PSG5: variants seen among roughly 807,000 people sequenced by gnomAD.
PSG5 encodes pregnancy-specific beta-1-glycoprotein 5.
Under a neutral mutation model 37.7 loss-of-function variants are expected in PSG5, and 53 were observed. The observed-to-expected ratio is 1.41, with a 90% CI of 1.13 to 1.77. PSG5 has a LOEUF of 1.77. Ranked by LOEUF, PSG5 falls within the 40% of genes most tolerant of loss-of-function variation. The pLI is 0.00. For synonymous variants in PSG5, 221 were observed against 155.4 expected (o/e 1.42, Z -3.14); for missense variants, 547 against 405.2 (o/e 1.35, Z -3.00).
At chr19:43,186,022 G>T (rs762504921) in intron 1 of PSG5, among the ~76,000 whole-genome samples, 1 of 150,648 alleles carries the variant, frequency 6.6e-6, no homozygotes, top group Admixed American at 6.6e-5. Context: ...TGTCACCCAG[G>T]CTGGCGTGCA....
intron 2 of PSG5, among the ~76,000 whole-genome samples, chr19:43,179,533 T>C (rs556031146): frequency 2.0e-5 from 3 of 151,884 alleles, no homozygotes; most frequent in Admixed American, 1.3e-4. Flanking sequence ...AGTTTCAGTC[T>C]TACTTTGTCC....
intron 2 of PSG5, among the ~76,000 whole-genome samples, chr19:43,184,474 T>G (rs1164387319): frequency 6.6e-6 from 1 of 151,612 alleles, no homozygotes; most frequent in East Asian, 1.9e-4. Context: ...CTCCAGGGTC[T>G]TTCTCAGGGT....
rs1362797977 is a variant in PSG5, at chr19:43,185,857, C to T, written c.64+485G>A. On this transcript the variant is annotated intron_variant, in intron 1 of 5. Transcript: ENST00000342951. ...ATTATCATTTTTCAAAATGTCGTGG[C>T]CCTCTTACCAATTCCGGTTCAATAT... Among the ~76,000 whole-genome samples, 2 of 59,796 alleles carry T rather than the reference C, an allele frequency of 3.3e-5. 1 individual carries two copies. The highest frequency in any genetic ancestry group is 6.1e-5 in the Non-Finnish European group (2 of 32,786). 39.2% of individuals were successfully genotyped at this position (59,796 alleles called of 152,430 possible).
chr19:43,174,089 T>C (rs1968955500), intron 4 of PSG5: 3 of 151,714 alleles, frequency 2.0e-5, no homozygotes, highest in Non-Finnish European at 4.4e-5. Context: ...AAAGATATTA[T>C]GCTAACTGAA....
intron 2 of PSG5, chr19:43,183,556 T>G: frequency 2.0e-6 from 1 of 497,764 alleles, no homozygotes; most frequent in Non-Finnish European, 4.1e-6. Context: ...GGATTTCAGG[T>G]TCAGTGATGG....
chr19:43,181,305 G>A (rs1394740498), intron 2 of PSG5, among the ~76,000 whole-genome samples: 3 of 151,654 alleles, frequency 2.0e-5, no homozygotes, highest in Non-Finnish European at 2.9e-5. Flanking sequence ...TAAATGTGAA[G>A]TTGAATGTGT....
intron 4 of PSG5, chr19:43,174,960 C>G: frequency 1.5e-6 from 2 of 1,349,172 alleles, no homozygotes; most frequent in Non-Finnish European, 2.0e-6. Flanking sequence ...CCTCCTCTAC[C>G]ACATAGGGCT....
chr19:43,178,121 T>A (rs1969050241), intron 2 of PSG5, among the ~76,000 whole-genome samples: 1 of 151,276 alleles, frequency 6.6e-6, no homozygotes, highest in Non-Finnish European at 1.5e-5. Context: ...CTGTGCTGGG[T>A]TTTTGATTTT....
At position 43,170,276 on chromosome 19, in the gene PSG5, G is replaced by A. The variant is rs528264805; in HGVS notation, c.965-138C>T. ...ACATTATTCCTCTTGGGAAATTGATGGGAGATGATTATATTCTTGCAGTTT... is the reference window on the plus strand; with the variant it reads ...ACATTATTCCTCTTGGGAAATTGATAGGAGATGATTATATTCTTGCAGTTT... On this transcript the variant is annotated intron_variant, in intron 4 of 5. Coordinates refer to ENST00000342951, the MANE Select transcript of PSG5 (RefSeq NM_002781.4). The A allele has an allele frequency of 1.2e-5, 11 of 899,846 alleles. 1 individual carries two copies. In the African/African-American group the frequency reaches 1.6e-4, roughly 13 times the overall value. The allele number at this position is 899,846 out of a possible 1,614,324, so 55.7% of individuals were successfully genotyped here.
intron 1 of PSG5, 111 bp downstream of exon 1, chr19:43,186,231 C>T: frequency 6.4e-7 from 1 of 1,552,896 alleles, no homozygotes; most frequent in Non-Finnish European, 8.8e-7. Context: ...CCACCTCATC[C>T]TCCCAAAGTG....
chr19:43,183,211 A>G (rs73050284), intron 2 of PSG5: 40,450 of 322,806 alleles, frequency 0.13, 3,277 homozygotes, highest in East Asian at 0.32. Context: ...AGGAGCCCTG[A>G]GAATCCTCTG....
At chr19:43,169,403 G>C (rs1483851887) in intron 5 of PSG5, among the ~76,000 whole-genome samples, 5 of 151,618 alleles carry the variant, frequency 3.3e-5, no homozygotes, top group Non-Finnish European at 7.4e-5. Context: ...TAAGTCTGCA[G>C]TGCAGATGGT....
At position 43,175,197 on chromosome 19, in the gene PSG5, A is replaced by G. The variant is rs1301422936; in HGVS notation, c.964+18T>C. 1.2e-6 allele frequency: 2 copies of G among 1,612,490 alleles called. No homozygotes were observed. The highest frequency in any genetic ancestry group is 2.2e-5 in the East Asian group (1 of 44,866). Reference sequence around the variant, plus strand: ...TCCACCTAAAACCCTATTGCCAAGGATGCTGGGATCCACTTACCAGAGACT... The same window carrying G: ...TCCACCTAAAACCCTATTGCCAAGGGTGCTGGGATCCACTTACCAGAGACT... On this transcript the variant is annotated intron_variant, in intron 4 of 5. Coordinates refer to ENST00000342951, the MANE Select transcript of PSG5 (RefSeq NM_002781.4).
chr19:43,169,509 T>C (rs932668295), intron 5 of PSG5, among the ~76,000 whole-genome samples: 7 of 151,610 alleles, frequency 4.6e-5, no homozygotes, highest in African/African-American at 9.7e-5. Flanking sequence ...AAGACAGTTC[T>C]AATTAGGATG....
Position 43,175,450 on chromosome 19 carries a change from G to C in PSG5, c.729C>G (p.Ser243Arg). ...LNVLYGPDLPSIYPSFTYYRS... is the reference protein window; with the variant it reads ...LNVLYGPDLPRIYPSFTYYRS... The stretch of plus-strand genomic sequence containing the variant: ...GGTAATAGGTGAATGAAGGGTAAAT[G>C]CTGGGGAGGTCTGGACCATCTGGAG... The change falls in exon 4 of 6, where the codon AGC becomes AGG. Residue 243 changes from serine (S) to arginine (R), a missense_variant. Coordinates refer to ENST00000342951, the MANE Select transcript of PSG5 (RefSeq NM_002781.4). 1 of 1,611,162 alleles carries C rather than the reference G, an allele frequency of 6.2e-7. No homozygotes were observed. Among genetic ancestry groups the C allele is most frequent in the Admixed American group, 1.7e-5 (1 of 59,822 alleles).
chr19:43,177,366 C>A (rs1204141619), intron 2 of PSG5, among the ~76,000 whole-genome samples: 1 of 151,438 alleles, frequency 6.6e-6, no homozygotes, highest in East Asian at 1.9e-4. Context: ...TTTTTTGATT[C>A]TGAAATATTT....
At chr19:43,174,673 A>G (rs1841142438) in intron 4 of PSG5, 4 of 981,330 alleles carry the variant, frequency 4.1e-6, no homozygotes, top group Non-Finnish European at 4.9e-6. Flanking sequence ...CTCTTTCTCC[A>G]CACATGCTGG....
intron 1 of PSG5, among the ~76,000 whole-genome samples, chr19:43,185,856 G>T (rs868704891): frequency 4.5e-5 from 1 of 22,172 alleles, no homozygotes; most frequent in East Asian, 0.025. Flanking sequence ...AAATGTCGTG[G>T]CCCTCTTACC....
rs917173925 is a variant in PSG5, at chr19:43,178,851, G to A, written c.431-2703C>T. On this transcript the variant is annotated intron_variant, in intron 2 of 5. Transcript: ENST00000342951. ...CCATGTGTATTTGGGATGGCAGCCTGGCTCACAGAGGAACAGAGGATACTC... is the reference window on the plus strand; with the variant it reads ...CCATGTGTATTTGGGATGGCAGCCTAGCTCACAGAGGAACAGAGGATACTC... The A allele has an allele frequency of 1.5e-5, 24 of 1,612,750 alleles. No homozygotes were observed. The African/African-American group carries it at 2.8e-4, about 19-fold the overall frequency.
Sources: gnomAD v4.1 joint callset for allele counts (sites outside exome capture counted in the v4.1 genomes callset) on GRCh38, gnomAD v4.1.1 for gene constraint, MANE v1.5 for transcripts, NCBI Gene and HGNC (gene_info 2026-07-23, HGNC 2026-07-21) for gene names.